DMRT1: variants seen among roughly 807,000 people sequenced by gnomAD.
DMRT1 encodes doublesex- and mab-3-related transcription factor 1.
In DMRT1, 7 loss-of-function variants were observed where a neutral mutation model predicts 32.3. That is an observed-to-expected ratio of 0.22 (90% CI 0.12 to 0.41). The LOEUF is 0.41. DMRT1 is among the 10% of genes least tolerant of loss of function. DMRT1 has a pLI of 1.00. For missense variants in DMRT1, 625 were observed against 500.5 expected, an observed-to-expected ratio of 1.25 and a Z score of -2.37; for synonymous variants, 278 against 206.1, an observed-to-expected ratio of 1.35 and a Z score of -2.99.
chr9:912,255 G>A (rs1009918318), intron 3 of DMRT1, among the ~76,000 whole-genome samples: 1 of 152,196 alleles, frequency 6.6e-6, no homozygotes, highest in Non-Finnish European at 1.5e-5. Context: ...AATCACCACC[G>A]CCTACCACGT....
intron 2 of DMRT1, among the ~76,000 whole-genome samples, chr9:872,574 C>T (rs576571547): frequency 5.9e-5 from 9 of 152,262 alleles, no homozygotes; most frequent in African/African-American, 2.2e-4. Context: ...TGGAATCATA[C>T]ACTGTGGGAT....
intron 2 of DMRT1, among the ~76,000 whole-genome samples, chr9:893,389 C>T (rs1241935884): frequency 6.6e-5 from 10 of 152,226 alleles, no homozygotes. Flanking sequence ...AGTTACTGAC[C>T]TCTTACACTA....
intron 1 of DMRT1, chr9:842,437 T>C (rs2132533117): frequency 1.8e-6 from 1 of 549,544 alleles, no homozygotes; most frequent in Non-Finnish European, 3.2e-6. Context: ...GGTTTCACCA[T>C]ATTGGTCAGG....
At chr9:936,774 T>G (rs1027364677) in intron 4 of DMRT1, among the ~76,000 whole-genome samples, 1 of 151,274 alleles carries the variant, frequency 6.6e-6, no homozygotes, top group South Asian at 2.1e-4. Flanking sequence ...AAAAAAAGTC[T>G]TCTTCAAGGA....
At chr9:857,581 G>C (rs1409572689) in intron 2 of DMRT1, among the ~76,000 whole-genome samples, 1 of 152,060 alleles carries the variant, frequency 6.6e-6, no homozygotes, top group Non-Finnish European at 1.5e-5. Flanking sequence ...CAAGAATTCT[G>C]TTGCCCTAAA....
chr9:857,565 A>G (rs908851135), intron 2 of DMRT1, among the ~76,000 whole-genome samples: 9 of 152,148 alleles, frequency 5.9e-5, no homozygotes, highest in Admixed American at 3.3e-4. Flanking sequence ...CCTGAAAACG[A>G]GGGAGCAAGA....
At chr9:932,506 A>G (rs1296516366) in intron 4 of DMRT1, among the ~76,000 whole-genome samples, 1 of 152,226 alleles carries the variant, frequency 6.6e-6, no homozygotes, top group Admixed American at 6.5e-5. Context: ...ACTTTGACAT[A>G]GATCATTTTG....
At chr9:908,722 G>A (rs1460222769) in intron 3 of DMRT1, among the ~76,000 whole-genome samples, 1 of 151,942 alleles carries the variant, frequency 6.6e-6, no homozygotes, top group East Asian at 1.9e-4. Context: ...ATGTGTAGTG[G>A]GAAATTTGGG....
chr9:861,813 G>A (rs1373955906), intron 2 of DMRT1, among the ~76,000 whole-genome samples: 1 of 144,234 alleles, frequency 6.9e-6, no homozygotes, highest in African/African-American at 2.6e-5. Context: ...GGCGGGGGGG[G>A]GCTCCTTCAG....
At chr9:857,260 T>TC (rs1434628186) in intron 2 of DMRT1, among the ~76,000 whole-genome samples, 64 of 152,062 alleles carry the variant, frequency 4.2e-4, no homozygotes, top group African/African-American at 1.5e-3. Context: ...GGAGCTGAGA[T>TC]TGCTCCACTG....
intron 4 of DMRT1, among the ~76,000 whole-genome samples, chr9:931,609 C>T (rs565867260): frequency 6.6e-6 from 1 of 152,320 alleles, no homozygotes; most frequent in Non-Finnish European, 1.5e-5. Context: ...TAAGGCTTCT[C>T]TCCTGGGTTG....
At chr9:865,180 C>G (rs149454588) in intron 2 of DMRT1, among the ~76,000 whole-genome samples, 79 of 152,230 alleles carry the variant, frequency 5.2e-4, no homozygotes, top group African/African-American at 1.9e-3. Context: ...GATCAAAGTT[C>G]TCGAATATTG....
chr9:962,215 C>T (rs1346936958), intron 4 of DMRT1, among the ~76,000 whole-genome samples: 1 of 152,142 alleles, frequency 6.6e-6, no homozygotes, highest in East Asian at 1.9e-4. Flanking sequence ...TGAGTCAGCC[C>T]CTCGTGTGCA....
chr9:881,218 G>C (rs140895698), intron 2 of DMRT1, among the ~76,000 whole-genome samples: 1 of 152,230 alleles, frequency 6.6e-6, no homozygotes, highest in East Asian at 1.9e-4. Flanking sequence ...TGTACAATTG[G>C]ATAAGTCACT....
intron 2 of DMRT1, among the ~76,000 whole-genome samples, chr9:872,254 G>T (rs1378842774): frequency 1.3e-5 from 2 of 151,822 alleles, no homozygotes; most frequent in Non-Finnish European, 2.9e-5. Flanking sequence ...GTAGAGATAG[G>T]GTTTCACCAT....
intron 3 of DMRT1, among the ~76,000 whole-genome samples, chr9:914,467 G>A (rs1252450197): frequency 2.0e-5 from 3 of 151,186 alleles, no homozygotes; most frequent in Non-Finnish European, 4.4e-5. Flanking sequence ...CCAGCTACTC[G>A]GGAGGCTGAG....
At chr9:878,510 G>C (rs1331116266) in intron 2 of DMRT1, among the ~76,000 whole-genome samples, 1 of 152,088 alleles carries the variant, frequency 6.6e-6, no homozygotes. Context: ...TCCTGATTAT[G>C]ACTTTAGGGA....
chr9:902,066 C>T (rs148087900), intron 3 of DMRT1, among the ~76,000 whole-genome samples: 19 of 149,520 alleles, frequency 1.3e-4, no homozygotes, highest in African/African-American at 2.0e-4. Flanking sequence ...TGCACCACCA[C>T]GCCCAGCTAA....
At chr9:929,756 G>A (rs1818647034) in intron 4 of DMRT1, among the ~76,000 whole-genome samples, 1 of 152,084 alleles carries the variant, frequency 6.6e-6, no homozygotes, top group Non-Finnish European at 1.5e-5. Flanking sequence ...CTGTTCTGCA[G>A]GGTCAGTTCC....
Sources: gnomAD v4.1 joint callset for allele counts (sites outside exome capture counted in the v4.1 genomes callset) on GRCh38, gnomAD v4.1.1 for gene constraint, MANE v1.5 for transcripts, NCBI Gene and HGNC (gene_info 2026-07-23, HGNC 2026-07-21) for gene names.